Variants in WDR41 observed in about 807,000 individuals in gnomAD.
WDR41 encodes WD repeat-containing protein 41.
Under a neutral mutation model 69.3 loss-of-function variants are expected in WDR41, and 63 were observed. The observed-to-expected ratio is 0.91, with a 90% confidence interval of 0.74 to 1.12. The LOEUF (loss-of-function observed/expected upper bound fraction) is 1.12, where lower values mean the gene tolerates loss of function less well. WDR41 is among the 50% of genes most tolerant of loss of function. The pLI, the probability that WDR41 is intolerant of heterozygous loss-of-function variation, is 0.00. For synonymous variants in WDR41, 185 were observed against 192.1 expected, an observed-to-expected ratio of 0.96 and a Z score of 0.31; for missense variants, 543 against 534.5, an observed-to-expected ratio of 1.02 and a Z score of -0.16.
intron 2 of WDR41, among the ~76,000 whole-genome samples, chr5:77,473,637 T>C (rs1800739599): frequency 6.6e-6 from 1 of 152,114 alleles, no homozygotes; most frequent in African/African-American, 2.4e-5. Context: ...GGGTAAAGGA[T>C]ATGAACAGAC....
intron 1 of WDR41, among the ~76,000 whole-genome samples, chr5:77,531,900 G>T (rs966770463): frequency 1.3e-5 from 2 of 151,930 alleles, no homozygotes; most frequent in African/African-American, 4.8e-5. Context: ...TCCAAAAGAG[G>T]TTAATCCATA....
intron 6 of WDR41, 159 bp downstream of exon 6, chr5:77,453,658 C>G: frequency 1.7e-6 from 1 of 600,492 alleles, no homozygotes; most frequent in East Asian, 2.8e-5. Flanking sequence ...ATATTTTACA[C>G]AACCCCGATC....
chr5:77,512,069 T>C lies in WDR41; in HGVS notation c.43-22497A>G, dbSNP rs541497256. On this transcript the variant is annotated intron_variant, in intron 1 of 5. Transcript: ENST00000509971. ...ATACAGAACAACAATATTATGTCTTTATCTAGACAAAGTATGAAAATGCTA... is the reference window on the plus strand; with the variant it reads ...ATACAGAACAACAATATTATGTCTTCATCTAGACAAAGTATGAAAATGCTA... 2.0e-5 allele frequency among the ~76,000 whole-genome samples: 3 copies of C among 152,316 alleles called. No individual in the cohort carries two copies. In the South Asian group the frequency reaches 6.2e-4, roughly 32 times the overall value.
chr5:77,521,780 T>C (rs1267973376), intron 1 of WDR41, among the ~76,000 whole-genome samples: 1 of 152,212 alleles, frequency 6.6e-6, no homozygotes, highest in Non-Finnish European at 1.5e-5. Context: ...TGTGATTATG[T>C]CTGCCATGCT....
intron 1 of WDR41, among the ~76,000 whole-genome samples, chr5:77,576,088 C>T (rs1475111432): frequency 1.2e-4 from 19 of 152,166 alleles, no homozygotes; most frequent in Admixed American, 1.2e-3. Flanking sequence ...TGTTGTAATA[C>T]TTCATAGCAT....
chr5:77,533,541 C>T (rs1742904464), intron 1 of WDR41, among the ~76,000 whole-genome samples: 1 of 152,040 alleles, frequency 6.6e-6, no homozygotes, highest in African/African-American at 2.4e-5. Flanking sequence ...TACATCTATA[C>T]CTATCCCAAA....
At chr5:77,483,414 C>T (rs1269159876) in intron 2 of WDR41, among the ~76,000 whole-genome samples, 3 of 151,918 alleles carry the variant, frequency 2.0e-5, no homozygotes, top group South Asian at 2.1e-4. Flanking sequence ...GTTAGGATTA[C>T]AGGGCTGAGT....
At chr5:77,470,513 T>C (rs1038530338) in intron 2 of WDR41, among the ~76,000 whole-genome samples, 2 of 152,106 alleles carry the variant, frequency 1.3e-5, no homozygotes, top group Admixed American at 6.5e-5. Context: ...GACCCATCAG[T>C]GTGCTGTATT....
rs555499513 is a variant in WDR41 at position 77,543,452 on chromosome 5, T to TA, written c.43-53881dup. On this transcript the variant is annotated intron_variant, in intron 1 of 5. Coordinates refer to the WDR41 transcript ENST00000509971. The stretch of plus-strand genomic sequence containing the variant: ...TATTCAAGGAAATAGATAGCATAAA[T>TA]AAAAAAACAATCAAAACTTCAGGAA... Among the ~76,000 whole-genome samples, 321 of 151,444 alleles carry TA rather than the reference T, an allele frequency of 2.1e-3. 3 individuals are homozygous for TA. In the Middle Eastern group the frequency reaches 0.027, roughly 13 times the overall value.
intron 1 of WDR41, among the ~76,000 whole-genome samples, chr5:77,614,794 A>C: frequency 6.7e-6 from 1 of 149,066 alleles, no homozygotes; most frequent in East Asian, 2.0e-4. Context: ...AACTTAAAGT[A>C]TAATAATAAT....
chr5:77,433,433 G>A, intron 12 of WDR41, 146 bp from the exon 13 acceptor site: 1 of 554,338 alleles, frequency 1.8e-6, no homozygotes, highest in Non-Finnish European at 2.9e-6. Flanking sequence ...TTCAGTATTG[G>A]TAAGTCACAT....
chr5:77,532,117 T>C (rs2112208707), intron 1 of WDR41, among the ~76,000 whole-genome samples: 1 of 152,194 alleles, frequency 6.6e-6, no homozygotes, highest in South Asian at 2.1e-4. Context: ...TTATGTAAAT[T>C]TCAACTCAAT....
intron 2 of WDR41, among the ~76,000 whole-genome samples, chr5:77,473,567 G>A (rs1006404016): frequency 1.7e-4 from 26 of 152,152 alleles, no homozygotes; most frequent in Non-Finnish European, 2.6e-4. Flanking sequence ...CTAATATCCA[G>A]AATCTACAAT....
At chr5:77,570,187 G>T (rs777903936) in intron 1 of WDR41, among the ~76,000 whole-genome samples, 1 of 151,986 alleles carries the variant, frequency 6.6e-6, no homozygotes, top group African/African-American at 2.4e-5. Flanking sequence ...GTTGCTAACA[G>T]TGTGACTTTC....
At chr5:77,448,375 A>C (rs1323741311) in intron 8 of WDR41, among the ~76,000 whole-genome samples, 2 of 152,178 alleles carry the variant, frequency 1.3e-5, no homozygotes, top group Non-Finnish European at 2.9e-5. Context: ...TTCTATCAAC[A>C]CAGACAATCT....
intron 4 of WDR41, among the ~76,000 whole-genome samples, chr5:77,460,777 C>T (rs962238191): frequency 6.6e-6 from 1 of 152,104 alleles, no homozygotes; most frequent in African/African-American, 2.4e-5. Context: ...TTGACTGCAA[C>T]CTGTCACATG....
At chr5:77,526,674 C>T (rs1234480479) in intron 1 of WDR41, among the ~76,000 whole-genome samples, 2 of 152,120 alleles carry the variant, frequency 1.3e-5, no homozygotes, top group Non-Finnish European at 2.9e-5. Flanking sequence ...CCCCAATACA[C>T]ACAAGCTATG....
chr5:77,455,223 T>C (rs1417374692), intron 5 of WDR41, among the ~76,000 whole-genome samples: 1 of 152,258 alleles, frequency 6.6e-6, no homozygotes, highest in African/African-American at 2.4e-5. Flanking sequence ...TGCATTTCTC[T>C]AATGACTAAT....
intron 1 of WDR41, among the ~76,000 whole-genome samples, chr5:77,584,752 G>A (rs1006737632): frequency 6.6e-6 from 1 of 152,082 alleles, no homozygotes; most frequent in Non-Finnish European, 1.5e-5. Flanking sequence ...AAAGGTGCTG[G>A]GATAATTGGC....
Sources: gnomAD v4.1 joint callset for allele counts (sites outside exome capture counted in the v4.1 genomes callset) on GRCh38, gnomAD v4.1.1 for gene constraint, MANE v1.5 for transcripts, NCBI Gene and HGNC (gene_info 2026-07-23, HGNC 2026-07-21) for gene names.